PSG2: variants seen among roughly 807,000 people sequenced by gnomAD.
PSG2 encodes the protein pregnancy specific beta-1-glycoprotein 2.
Under a neutral mutation model 36.2 loss-of-function variants are expected in PSG2, and 49 were observed. That is an observed-to-expected ratio of 1.35 (90% CI 1.08 to 1.72). The LOEUF (loss-of-function observed/expected upper bound fraction) is 1.72. Ranked by LOEUF, PSG2 falls within the 40% of genes most tolerant of loss-of-function variation. PSG2 has a pLI of 0.00. For missense variants in PSG2, 605 were observed against 407.2 expected (o/e 1.49, Z -4.18); for synonymous variants, 261 against 155.6 (o/e 1.68, Z -5.04).
chr19:43,066,564 G>A lies in PSG2; in HGVS notation c.1001C>T (p.Pro334Leu), dbSNP rs772434370. Residue 334 changes from proline (P) to leucine (L), a missense_variant, in exon 5 of 6, where the codon CCA (proline) becomes CTA (leucine). Physicochemically the swap from Pro to Leu is moderately conservative, Grantham distance 98 (BLOSUM62 -3). Coordinates refer to ENST00000406487, the MANE Select transcript of PSG2 (RefSeq NM_031246.4). ...GAAATGACATCACAGCTGCTATGTT[G>A]GATTAAGGAGAGGAAGAAGTCCTAT... ...TRIGLLPLLN[P>L]T 1.9e-6 allele frequency: 3 copies of A among 1,599,634 alleles called. No homozygotes were observed. Among genetic ancestry groups the A allele is most frequent in the African/African-American group, 1.4e-5 (1 of 73,972 alleles).
At chr19:43,080,409 C>G (rs956321041) in intron 2 of PSG2, among the ~76,000 whole-genome samples, 12 of 151,828 alleles carry the variant, frequency 7.9e-5, no homozygotes, top group Admixed American at 7.9e-4. Flanking sequence ...TCCCAGTAAG[C>G]CCTGCCCATG....
rs1337232626 is a variant in PSG2, at chr19:43,064,548, G to A, written c.*94C>T. 1 of 672,686 alleles carries A rather than the reference G, an allele frequency of 1.5e-6. No individual in the cohort carries two copies. Among genetic ancestry groups the A allele is most frequent in the Non-Finnish European group, 2.8e-6 (1 of 361,102 alleles). 41.7% of individuals were successfully genotyped at this position (672,686 alleles called of 1,614,324 possible). On this transcript the variant is annotated 3_prime_UTR_variant, in exon 6 of 6. Coordinates refer to ENST00000406487, the MANE Select transcript of PSG2 (RefSeq NM_031246.4). ...CTTAGTCCAGTGGTATGATCTTGAA[G>A]TTATCAGGAGCTTGTATTCAAGAGT...
intron 1 of PSG2, chr19:43,082,236 G>T: frequency 2.7e-6 from 1 of 376,950 alleles, no homozygotes; most frequent in Non-Finnish European, 4.7e-6. Flanking sequence ...TGCCTCCTGG[G>T]TTCACGTGAT....
rs780835778 is a variant in PSG2, at chr19:43,075,636, T to C, written c.431-4A>G. On this transcript the variant is annotated splice_polypyrimidine_tract_variant and splice_region_variant and intron_variant, in intron 2 of 5. Transcript: ENST00000406487. Reference sequence around the variant, plus strand: ...ATGGAGGGCTTGGGAGTCTCCACTGTGCAGAAAACAGAGAGAAGATTGCCC... The same window carrying C: ...ATGGAGGGCTTGGGAGTCTCCACTGCGCAGAAAACAGAGAGAAGATTGCCC... The C allele has an allele frequency of 2.5e-6, 4 of 1,609,930 alleles. No individual in the cohort carries two copies. The Admixed American group carries it at 6.7e-5, about 27-fold the overall frequency.
At chr19:43,075,705 G>A (rs551679391) in intron 2 of PSG2, 73 bp from the exon 3 acceptor site, 23,690 of 1,551,974 alleles carry the variant, frequency 0.015, 569 homozygotes, top group Admixed American at 0.064. Context: ...TTCAATCAGA[G>A]TTGGCATTTC....
At chr19:43,082,129 T>C (rs1280922596) in intron 1 of PSG2, 14 of 26,994 alleles carry the variant, frequency 5.2e-4, no homozygotes, top group African/African-American at 4.4e-3. Context: ...TCTCTTTTTT[T>C]TTTTTTTTTT....
intron 2 of PSG2, 149 bp from the exon 3 acceptor site, chr19:43,075,781 A>G: frequency 6.8e-7 from 1 of 1,464,316 alleles, no homozygotes; most frequent in South Asian, 1.4e-5. Context: ...AGACAGATGC[A>G]TGGCAATCTG....
intron 5 of PSG2, among the ~76,000 whole-genome samples, chr19:43,065,300 C>A (rs1408077830): frequency 6.6e-6 from 1 of 151,028 alleles, no homozygotes; most frequent in Non-Finnish European, 1.5e-5. Flanking sequence ...TTGGTGTAGC[C>A]CATTCATAAA....
At position 43,071,939 on chromosome 19, in the gene PSG2, G is replaced by C. The variant is rs1429772317; in HGVS notation, c.725C>G (p.Pro242Arg). The part of the protein sequence containing the change: ...TLNLLHGPDL[P>R]RIHPSYTNYR... Reference sequence around the variant, plus strand: ...ATTGGTGTATGAAGGGTGAATTCTGGGGAGGTCTGGACCATCTGGAGCAAA... The same window carrying C: ...ATTGGTGTATGAAGGGTGAATTCTGCGGAGGTCTGGACCATCTGGAGCAAA... The change falls in exon 4 of 6, where the codon CCC becomes CGC. Residue 242 changes from proline (P) to arginine (R), a missense_variant. Coordinates refer to ENST00000406487, the MANE Select transcript of PSG2 (RefSeq NM_031246.4). The C allele has an allele frequency of 1.1e-5, 17 of 1,612,590 alleles. No individual in the cohort carries two copies. Among genetic ancestry groups the C allele is most frequent in the Non-Finnish European group, 1.4e-5 (17 of 1,179,378 alleles).
At chr19:43,078,244 C>T (rs1488381602) in intron 2 of PSG2, among the ~76,000 whole-genome samples, 1 of 151,648 alleles carries the variant, frequency 6.6e-6, no homozygotes, top group Non-Finnish European at 1.5e-5. Context: ...ATAGTTCCTC[C>T]ATAAAACTAA....
rs3205903 is a variant in PSG2 at position 43,081,201 on chromosome 19, G to C, written c.110C>G (p.Thr37Arg). 2 of 1,612,688 alleles carry C rather than the reference G, an allele frequency of 1.2e-6. No homozygotes were observed. Among genetic ancestry groups the C allele is most frequent in the Admixed American group, 1.7e-5 (1 of 59,902 alleles). ...AACTTTTGGTGGCTGGGCTTCAATC[G>C]TGACTTGGGCAGTGGTGGGCAGGTT... ...FWNLPTTAQV[T>R]IEAQPPKVSE... The change falls in exon 2 of 6, where the codon ACG becomes AGG. Residue 37 changes from threonine to arginine, a missense_variant. Physicochemically the swap from Thr to Arg is moderately conservative, Grantham distance 71 (BLOSUM62 -1). Transcript: ENST00000406487.
At chr19:43,081,725 A>G (rs760230267) in intron 1 of PSG2, 66 of 168,088 alleles carry the variant, frequency 3.9e-4, no homozygotes, top group Non-Finnish European at 3.8e-4. Context: ...CCATGACAGC[A>G]TGAGCTCAGT....
chr19:43,068,464 AAAAAAG>A (rs1446594283), intron 4 of PSG2, among the ~76,000 whole-genome samples: 3 of 142,750 alleles, frequency 2.1e-5, no homozygotes, highest in Non-Finnish European at 3.0e-5. Context: ...ACAAAAAAAA[AAAAAAG>A]AAAGAAAGAA....
chr19:43,068,347 G>T (rs1290325653), intron 4 of PSG2, among the ~76,000 whole-genome samples: 1 of 151,074 alleles, frequency 6.6e-6, no homozygotes, highest in African/African-American at 2.5e-5. Context: ...GCTGAAGAAG[G>T]AGAATTGCTT....
chr19:43,072,754 G>T (rs1165433385), intron 3 of PSG2: 6 of 1,503,032 alleles, frequency 4.0e-6, no homozygotes, highest in Non-Finnish European at 5.4e-6. Context: ...CCAATAACTG[G>T]TGTGTGTGTC....
rs201084803 is a variant in PSG2 at position 43,071,804 on chromosome 19, A to G, written c.860T>C (p.Phe287Ser). The G allele has an allele frequency of 1.9e-5, 31 of 1,612,914 alleles. No homozygotes were observed. Among genetic ancestry groups the G allele is most frequent in the Non-Finnish European group, 2.6e-5 (31 of 1,179,548 alleles). Reference protein sequence around the residue: ...GKFQQSGQNLFIPQITTKHSG... With the variant: ...GKFQQSGQNLSIPQITTKHSG... ...ATGCTTTGTAGTAATTTGGGGGATA[A>G]ACAGATTTTGTCCTGATTGCTGAAA... The change falls in exon 4 of 6, where the codon TTT (phenylalanine) becomes TCT (serine). Residue 287 changes from phenylalanine to serine, a missense_variant. By Grantham distance (155) the Phe-to-Ser change is radical. Transcript: ENST00000406487.
chr19:43,066,870 A>C (rs905393239), intron 4 of PSG2, among the ~76,000 whole-genome samples: 6 of 149,922 alleles, frequency 4.0e-5, no homozygotes, highest in Non-Finnish European at 7.4e-5. Flanking sequence ...GCTGATTGCT[A>C]TTTTCTATGT....
chr19:43,082,326 G>C (rs1967992257), intron 1 of PSG2, 180 bp downstream of exon 1: 7 of 930,180 alleles, frequency 7.5e-6, no homozygotes, highest in South Asian at 4.9e-5. Flanking sequence ...ATTTTTAGTA[G>C]AGACAGGGCT....
Position 43,075,589 on chromosome 19 carries a change from G to A in PSG2, c.474C>T (p.Pro158=). Residue 158 remains proline, a synonymous_variant, in exon 3 of 6, where the codon CCC becomes CCT. Coordinates refer to ENST00000406487, the MANE Select transcript of PSG2 (RefSeq NM_031246.4). The stretch of plus-strand genomic sequence containing the variant: ...AGATCACAGTTTCCATGGCCTCCCT[G>A]GGGTTTAAGTTGCTGCTGGAGATGG... ...KPSISSSNLN[P]REAMETVILT... is the part of the protein sequence containing the mutation. 6 of 1,613,186 alleles carry A rather than the reference G, an allele frequency of 3.7e-6. No individual in the cohort carries two copies. The highest frequency in any genetic ancestry group is 5.1e-6 in the Non-Finnish European group (6 of 1,179,756).
Sources: allele counts gnomAD v4.1 joint callset (sites outside exome capture counted in the v4.1 genomes callset), GRCh38; gene constraint gnomAD v4.1.1; transcripts MANE v1.5; gene names NCBI Gene and HGNC (gene_info 2026-07-23, HGNC 2026-07-21).